Variants in PCBP3 observed in about 807,000 individuals in gnomAD.
PCBP3 encodes the protein poly(rC)-binding protein 3.
In PCBP3, 25 loss-of-function variants were observed where a neutral mutation model predicts 52.7. The ratio of observed to expected loss-of-function variants is 0.47; its 90% CI spans 0.35 to 0.66. PCBP3 has a LOEUF of 0.66. Among genes scored for constraint, PCBP3 ranks in the 30% least tolerant of loss-of-function variants. PCBP3 has a pLI of 0.01. For missense variants in PCBP3, 391 were observed against 490.3 expected (o/e 0.80, Z 1.91); for synonymous variants, 162 against 183.0 (o/e 0.89, Z 0.93).
At chr21:45,848,494 G>A (rs2093869247) in intron 4 of PCBP3, 1 of 152,280 alleles carries the variant, frequency 6.6e-6, no homozygotes, top group East Asian at 1.9e-4. Flanking sequence ...TTAGTTCTAG[G>A]GAGTCAGCCT....
intron 2 of PCBP3, among the ~76,000 whole-genome samples, chr21:45,679,601 A>G (rs921321355): frequency 1.3e-5 from 2 of 152,176 alleles, no homozygotes; most frequent in Non-Finnish European, 2.9e-5. Flanking sequence ...ATGAACCCAC[A>G]GTATTTCTGA....
intron 2 of PCBP3, among the ~76,000 whole-genome samples, chr21:45,676,625 C>T (rs564653258): frequency 1.2e-4 from 19 of 152,282 alleles, no homozygotes; most frequent in African/African-American, 4.6e-4. Context: ...GACTGCTCCA[C>T]AGCCGACCAT....
At chr21:45,885,292 G>A (rs750311775) in intron 5 of PCBP3, among the ~76,000 whole-genome samples, 3 of 152,154 alleles carry the variant, frequency 2.0e-5, no homozygotes, top group Non-Finnish European at 2.9e-5. Flanking sequence ...ATGGGGTCAT[G>A]TCCCTCTTGC....
At chr21:45,892,749 A>G (rs1008073241) in intron 5 of PCBP3, among the ~76,000 whole-genome samples, 1 of 152,134 alleles carries the variant, frequency 6.6e-6, no homozygotes, top group Non-Finnish European at 1.5e-5. Flanking sequence ...CTATGCATGG[A>G]CTGTCCCCAC....
chr21:45,702,138 G>C (rs971030283), intron 2 of PCBP3, among the ~76,000 whole-genome samples: 7 of 152,152 alleles, frequency 4.6e-5, no homozygotes, highest in Non-Finnish European at 1.5e-5. Context: ...CTTGACAGGT[G>C]GTAGTTTCTT....
rs1569134456 is a variant in PCBP3 at position 45,704,332 on chromosome 21, TTGTC to T, written c.-199-31057_-199-31054del. Among the ~76,000 whole-genome samples the T allele has an allele frequency of 6.6e-6, 1 of 152,030 alleles. No homozygotes were observed. Among genetic ancestry groups the T allele is most frequent in the African/African-American group, 2.4e-5 (1 of 41,390 alleles). The stretch of plus-strand genomic sequence containing the variant: ...CAGGAATGAGGGGAGTTGACATAGT[TTGTC>T]TGCAGAAAGGAGTAAGGAAACATGG... On this transcript the variant is annotated intron_variant, in intron 2 of 17. Coordinates refer to ENST00000681687, the MANE Select transcript of PCBP3 (RefSeq NM_001384156.1). The surrounding 1 kb of genome is among the most constrained non-coding windows in gnomAD (Gnocchi z 4.1).
chr21:45,776,526 G>A (rs1458578111), intron 4 of PCBP3, among the ~76,000 whole-genome samples: 1 of 149,540 alleles, frequency 6.7e-6, no homozygotes, highest in Non-Finnish European at 1.5e-5. Flanking sequence ...AGTAATGTTT[G>A]CTTTATGAAT....
chr21:45,884,841 C>T (rs1826766066), intron 5 of PCBP3, among the ~76,000 whole-genome samples: 1 of 152,200 alleles, frequency 6.6e-6, no homozygotes, highest in Non-Finnish European at 1.5e-5. Flanking sequence ...ACTGTAACTT[C>T]CTTTATAATT....
intron 2 of PCBP3, among the ~76,000 whole-genome samples, chr21:45,730,845 C>T (rs1465210789): frequency 1.3e-5 from 2 of 152,018 alleles, no homozygotes; most frequent in African/African-American, 2.4e-5. Flanking sequence ...ATAGTCACTC[C>T]ACCTTTTTTT....
intron 2 of PCBP3, among the ~76,000 whole-genome samples, chr21:45,718,114 T>G (rs914913470): frequency 6.6e-6 from 1 of 152,218 alleles, no homozygotes; most frequent in Middle Eastern, 3.4e-3. Context: ...TAAAATTGTT[T>G]ATAGTATTTT....
chr21:45,669,799 GTGTGTGTATATATATATATATATATATA>G (rs957397982), intron 2 of PCBP3, among the ~76,000 whole-genome samples: 22 of 88,198 alleles, frequency 2.5e-4, no homozygotes, highest in Admixed American at 5.7e-4. Context: ...GTGTGTGTGT[GTGTGTGTATATATATATATATATATATA>G]TATATATATA....
chr21:45,896,777 G>A (rs1050779566), intron 6 of PCBP3, among the ~76,000 whole-genome samples: 6 of 148,036 alleles, frequency 4.1e-5, no homozygotes, highest in African/African-American at 1.0e-4. Context: ...AACCGGAGAC[G>A]CACTGCCTGG....
intron 16 of PCBP3, among the ~76,000 whole-genome samples, chr21:45,938,992 C>T (rs1390242306): frequency 1.3e-5 from 2 of 152,250 alleles, no homozygotes; most frequent in African/African-American, 4.8e-5. Flanking sequence ...GCCCTTCCAT[C>T]CAGCGTCTTA....
chr21:45,893,818 GA>G (rs1204735731), intron 5 of PCBP3: 3 of 985,358 alleles, frequency 3.0e-6, no homozygotes, highest in Non-Finnish European at 3.6e-6. Flanking sequence ...TCCATTCTGA[GA>G]AACGGCCAGT....
chr21:45,817,688 C>A lies in PCBP3; in HGVS notation c.-125-32273C>A, dbSNP rs1211524456. ...CGGGTGAAAGATCACAGTCCTGCAC[C>A]CTGCTGTGCAATGCTCGAACACACT... On this transcript the variant is annotated intron_variant, in intron 4 of 17. Transcript: ENST00000681687. This position sits in a 1 kb window ranked among gnomAD's most constrained non-coding sequence, Gnocchi z 4.3. Among the ~76,000 whole-genome samples, 1 of 152,194 alleles carries A rather than the reference C, an allele frequency of 6.6e-6. No individual in the cohort carries two copies. Among genetic ancestry groups the A allele is most frequent in the Admixed American group, 6.5e-5 (1 of 15,280 alleles).
chr21:45,871,064 C>T, intron 5 of PCBP3: 1 of 174,024 alleles, frequency 5.7e-6, no homozygotes, highest in South Asian at 1.1e-4. Context: ...GAGACAGGAA[C>T]CCCCTACAGG....
rs558955227 is a variant in PCBP3, at chr21:45,767,524, C to T, written c.-126+12072C>T. On this transcript the variant is annotated intron_variant, in intron 4 of 17. Coordinates refer to ENST00000681687, the MANE Select transcript of PCBP3 (RefSeq NM_001384156.1). Reference sequence around the variant, plus strand: ...TCTTTTACAAGTTTTTGTTTGACACCTCTTTTCAGTTCCTTAGGAGTGGAC... The same window carrying T: ...TCTTTTACAAGTTTTTGTTTGACACTTCTTTTCAGTTCCTTAGGAGTGGAC... 2.0e-5 allele frequency among the ~76,000 whole-genome samples: 3 copies of T among 152,282 alleles called. No individual in the cohort carries two copies. The South Asian group carries it at 6.2e-4, about 32-fold the overall frequency.
At chr21:45,664,296 C>G (rs948985839) in intron 1 of PCBP3, among the ~76,000 whole-genome samples, 2 of 137,178 alleles carry the variant, frequency 1.5e-5, no homozygotes, top group African/African-American at 2.7e-5. Flanking sequence ...GGCAATTGTA[C>G]AATATTTTTA....
intron 4 of PCBP3, among the ~76,000 whole-genome samples, chr21:45,811,233 A>T (rs947355720): frequency 1.3e-5 from 2 of 152,124 alleles, no homozygotes; most frequent in Non-Finnish European, 2.9e-5. Context: ...CAAGCTCATC[A>T]CCTTTCAGTT....
Sources: gnomAD v4.1 joint callset for allele counts (sites outside exome capture counted in the v4.1 genomes callset) on GRCh38, gnomAD v4.1.1 for gene constraint, Gnocchi (gnomAD v3.1) non-coding constraint, MANE v1.5 for transcripts, NCBI Gene and HGNC (gene_info 2026-07-23, HGNC 2026-07-21) for gene names.